The following TAFA4 variants were observed in gnomAD, a reference collection of about 807,000 sequenced individuals.
TAFA4 encodes chemokine-like protein TAFA-4.
In TAFA4, 20 loss-of-function variants were observed where a neutral mutation model predicts 21.1. The observed-to-expected ratio is 0.95, with a 90% CI of 0.67 to 1.38. TAFA4 has a LOEUF of 1.38. TAFA4 is among the 40% of genes most tolerant of loss of function. The pLI is 0.00. For synonymous variants in TAFA4, 71 were observed against 67.4 expected, an observed-to-expected ratio of 1.05 and a Z score of -0.26; for missense variants, 211 against 180.9, an observed-to-expected ratio of 1.17 and a Z score of -0.95.
chr3:68,739,444 T>C (rs1298932292), intron 4 of TAFA4, among the ~76,000 whole-genome samples: 1 of 152,192 alleles, frequency 6.6e-6, no homozygotes, highest in Non-Finnish European at 1.5e-5. Flanking sequence ...ACTGTTGCTG[T>C]GAAGGTAAAT....
At chr3:68,895,902 T>C (rs2089783943) in intron 1 of TAFA4, among the ~76,000 whole-genome samples, 1 of 152,126 alleles carries the variant, frequency 6.6e-6, no homozygotes, top group South Asian at 2.1e-4. Context: ...CTAGCTGAGC[T>C]TGGAGGAAAA....
chr3:68,798,303 T>C (rs924483674), intron 3 of TAFA4, among the ~76,000 whole-genome samples: 1 of 152,206 alleles, frequency 6.6e-6, no homozygotes, highest in Non-Finnish European at 1.5e-5. Flanking sequence ...TTAATTGGTG[T>C]TTATAAATCT....
chr3:68,890,373 G>C (rs915048891), intron 1 of TAFA4, among the ~76,000 whole-genome samples: 1 of 152,102 alleles, frequency 6.6e-6, no homozygotes, highest in African/African-American at 2.4e-5. Flanking sequence ...AAAGCCTTCA[G>C]TTTATAAAAT....
At chr3:68,743,661 T>C (rs890632787) in intron 4 of TAFA4, among the ~76,000 whole-genome samples, 1 of 152,002 alleles carries the variant, frequency 6.6e-6, no homozygotes, top group Admixed American at 6.5e-5. Flanking sequence ...CATGGAGCTG[T>C]GTCACTTTCA....
chr3:68,874,246 AAC>A (rs967202095), intron 3 of TAFA4, among the ~76,000 whole-genome samples: 1 of 152,288 alleles, frequency 6.6e-6, no homozygotes, highest in South Asian at 2.1e-4. Flanking sequence ...AACTCTTGCA[AAC>A]ACAGTCTTCT....
intron 1 of TAFA4, among the ~76,000 whole-genome samples, chr3:68,931,607 TTGG>T (rs1310616653): frequency 6.6e-6 from 1 of 152,194 alleles, no homozygotes; most frequent in Admixed American, 6.5e-5. Context: ...AGATGCCACC[TTGG>T]TGGGCAAATC....
chr3:68,772,495 G>A (rs2106784618), intron 3 of TAFA4, among the ~76,000 whole-genome samples: 1 of 152,260 alleles, frequency 6.6e-6, no homozygotes, highest in East Asian at 1.9e-4. Context: ...TCCTGGATCT[G>A]GGACACTCAT....
chr3:68,812,085 G>C (rs1163355351), intron 3 of TAFA4, among the ~76,000 whole-genome samples: 1 of 152,168 alleles, frequency 6.6e-6, no homozygotes, highest in East Asian at 1.9e-4. Context: ...AGCTTCATAA[G>C]TGAAGAAGAA....
At chr3:68,826,563 ACT>A (rs1704244695) in intron 3 of TAFA4, among the ~76,000 whole-genome samples, 2 of 125,678 alleles carry the variant, frequency 1.6e-5, no homozygotes, top group Admixed American at 8.2e-5. Flanking sequence ...ACAGAGCGAG[ACT>A]CTGCCTCAAA....
At chr3:68,838,544 T>C (rs1268210627) in intron 3 of TAFA4, among the ~76,000 whole-genome samples, 1 of 152,192 alleles carries the variant, frequency 6.6e-6, no homozygotes, top group Non-Finnish European at 1.5e-5. Context: ...CCAGGCACTG[T>C]TCTAGGTCAG....
intron 3 of TAFA4, among the ~76,000 whole-genome samples, chr3:68,770,401 A>C (rs1429151253): frequency 6.6e-6 from 1 of 152,234 alleles, no homozygotes; most frequent in Admixed American, 6.5e-5. Context: ...ACCATTGCTG[A>C]TAACAGTGAT....
At chr3:68,799,048 C>G (rs1340510497) in intron 3 of TAFA4, among the ~76,000 whole-genome samples, 2 of 152,012 alleles carry the variant, frequency 1.3e-5, no homozygotes, top group Non-Finnish European at 2.9e-5. Context: ...TGACAGGGAG[C>G]CACTGAAGAG....
At chr3:68,824,258 T>C (rs557865556) in intron 3 of TAFA4, among the ~76,000 whole-genome samples, 1 of 152,272 alleles carries the variant, frequency 6.6e-6, no homozygotes, top group Non-Finnish European at 1.5e-5. Flanking sequence ...TGGTTCTACA[T>C]GTCACAAGTC....
rs200891496 is a variant in TAFA4, at chr3:68,902,269, GTCTT to G, written c.-122-16963_-122-16960del. Among the ~76,000 whole-genome samples, 783 of 152,228 alleles carry G rather than the reference GTCTT, an allele frequency of 5.1e-3. 37 individuals are homozygous for G. The South Asian group carries it at 0.099, about 19-fold the overall frequency. ...GCCCTCTTAACCATCGGGCAACTCT[GTCTT>G]TCTAAGATCTCAAAGCAGGTATTCC... is the stretch of plus-strand genomic sequence containing the variant. On this transcript the variant is annotated intron_variant, in intron 1 of 5. Coordinates refer to ENST00000295569, the MANE Select transcript of TAFA4 (RefSeq NM_182522.5).
At chr3:68,782,755 G>T (rs1391963066) in intron 3 of TAFA4, among the ~76,000 whole-genome samples, 1 of 152,150 alleles carries the variant, frequency 6.6e-6, no homozygotes, top group Non-Finnish European at 1.5e-5. Flanking sequence ...AGGGGGAATG[G>T]GGAGTAGCAG....
At chr3:68,872,485 T>C (rs528952574) in intron 3 of TAFA4, among the ~76,000 whole-genome samples, 48 of 152,120 alleles carry the variant, frequency 3.2e-4, no homozygotes, top group African/African-American at 1.2e-3. Flanking sequence ...TAGTGTTCAA[T>C]AGTATGGTAC....
intron 3 of TAFA4, among the ~76,000 whole-genome samples, chr3:68,820,391 T>G (rs1236049710): frequency 6.6e-6 from 1 of 152,068 alleles, no homozygotes; most frequent in African/African-American, 2.4e-5. Flanking sequence ...GACTTAAAAA[T>G]TGCTAGGCTG....
intron 3 of TAFA4, among the ~76,000 whole-genome samples, chr3:68,779,416 G>C (rs1575605169): frequency 6.6e-6 from 1 of 152,196 alleles, no homozygotes; most frequent in Admixed American, 6.5e-5. Flanking sequence ...TCCAGGGCAT[G>C]TCAGATACCT....
At position 68,932,340 on chromosome 3, in the gene TAFA4, G is replaced by A. The variant is rs1035429860; in HGVS notation, c.-223C>T. On this transcript the variant is annotated 5_prime_UTR_variant, in exon 1 of 6. Transcript: ENST00000295569. ...CGCTCACCGTGCCGCCTCCCCGCGGGAGCCCCGGGAGCGGCCCATCACCTC... is the reference window on the plus strand; with the variant it reads ...CGCTCACCGTGCCGCCTCCCCGCGGAAGCCCCGGGAGCGGCCCATCACCTC... 7 of 152,340 alleles carry A rather than the reference G, an allele frequency of 4.6e-5. No individual in the cohort carries two copies. Among genetic ancestry groups the A allele is most frequent in the Non-Finnish European group, 8.8e-5 (6 of 68,152 alleles). The allele number at this position is 152,340 out of a possible 1,614,324, so 9.4% of individuals were successfully genotyped here. A position where few individuals can be genotyped will look rare whatever the true frequency, so the allele number is the denominator to read the frequency against.
Sources: gnomAD v4.1 joint callset for allele counts (sites outside exome capture counted in the v4.1 genomes callset) on GRCh38, gnomAD v4.1.1 for gene constraint, MANE v1.5 for transcripts, NCBI Gene and HGNC (gene_info 2026-07-23, HGNC 2026-07-21) for gene names.